RCBTB1: variants seen among roughly 807,000 people sequenced by gnomAD.
RCBTB1 encodes RCC1 and BTB domain-containing protein 1.
In RCBTB1, 46 loss-of-function variants were observed where a neutral mutation model predicts 62.4. The ratio of observed to expected loss-of-function variants is 0.74; its 90% CI spans 0.58 to 0.94. The LOEUF (loss-of-function observed/expected upper bound fraction) is 0.94, where lower values mean the gene tolerates loss of function less well. Ranked by LOEUF, RCBTB1 falls within the 40% of genes least tolerant of loss-of-function variation. RCBTB1 has a pLI of 0.00. For missense variants in RCBTB1, 565 were observed against 654.9 expected (o/e 0.86, Z 1.50); for synonymous variants, 222 against 245.8 (o/e 0.90, Z 0.91).
chr13:49,559,610 C>T (rs529096227), intron 5 of RCBTB1, among the ~76,000 whole-genome samples: 9 of 144,010 alleles, frequency 6.2e-5, no homozygotes, highest in Admixed American at 3.7e-4. Context: ...GAGCAGAGAT[C>T]GTGCCACTGT....
intron 2 of RCBTB1, among the ~76,000 whole-genome samples, chr13:49,575,075 T>C (rs182246499): frequency 2.0e-5 from 3 of 152,212 alleles, no homozygotes; most frequent in Admixed American, 6.5e-5. Context: ...GAGGTAGGAA[T>C]GGGGAGTTAC....
chr13:49,567,604 T>C (rs1191896911), intron 2 of RCBTB1, among the ~76,000 whole-genome samples: 3 of 152,166 alleles, frequency 2.0e-5, no homozygotes, highest in African/African-American at 7.2e-5. Context: ...ACTCACCCTC[T>C]TCTTAGACCT....
In RCBTB1 at chr13:49,532,081, T is replaced by C. The variant is rs779423093; in HGVS notation, c.*2041A>G. 5.2e-5 allele frequency: 8 copies of C among 152,758 alleles called. No individual in the cohort carries two copies. In the South Asian group the frequency reaches 8.3e-4, roughly 16 times the overall value. The allele number at this position is 152,758 out of a possible 1,614,324, so 9.5% of individuals were successfully genotyped here. ...TTAGGGCTATCTTAAGAAATATGAA[T>C]ACTTTGGCTTCCATTATTACATTAG... On this transcript the variant is annotated 3_prime_UTR_variant, in exon 13 of 13. Transcript: ENST00000378302.
In RCBTB1 at chr13:49,544,753, C is replaced by T; in HGVS notation, c.1156G>A (p.Ala386Thr). ...IDGKYIHVHK[A>T]VLKIRCEHFR... ...CAAAAATACCTGATTTTCAAAACAG[C>T]TTTATGGACATGAATATATTTTCCA... The change falls in exon 10 of 13, where the codon GCT (alanine) becomes ACT (threonine). Residue 386 changes from alanine (A) to threonine (T), a missense_variant. Ala to Thr is a moderately conservative substitution (Grantham distance 58). Transcript: ENST00000378302. The T allele has an allele frequency of 6.2e-7, 1 of 1,611,666 alleles. No homozygotes were observed. The highest frequency in any genetic ancestry group is 8.5e-7 in the Non-Finnish European group (1 of 1,178,986).
chr13:49,538,845 A>C (rs1023423736), intron 12 of RCBTB1, among the ~76,000 whole-genome samples: 1 of 151,094 alleles, frequency 6.6e-6, no homozygotes, highest in African/African-American at 2.4e-5. Flanking sequence ...TAATTTTTCT[A>C]CGTTGAATCT....
At chr13:49,555,962 G>C (rs933832051) in intron 5 of RCBTB1, among the ~76,000 whole-genome samples, 3 of 152,102 alleles carry the variant, frequency 2.0e-5, no homozygotes, top group Non-Finnish European at 4.4e-5. Flanking sequence ...GTAGCGCTAA[G>C]AGAATTTAAC....
chr13:49,575,574 C>T (rs940067089), intron 2 of RCBTB1, among the ~76,000 whole-genome samples: 2 of 152,060 alleles, frequency 1.3e-5, no homozygotes, highest in Admixed American at 6.6e-5. Flanking sequence ...ACTACATGGC[C>T]ATAAAGAAGA....
intron 9 of RCBTB1, chr13:49,546,388 C>T (rs1429748014): frequency 3.0e-6 from 3 of 983,610 alleles, no homozygotes; most frequent in Non-Finnish European, 3.6e-6. Flanking sequence ...TCTAGGACAG[C>T]AGTCCCCAAC....
chr13:49,549,460 A>C lies in RCBTB1; in HGVS notation c.1043T>G (p.Val348Gly). 1 of 1,607,744 alleles carries C rather than the reference A, an allele frequency of 6.2e-7. No individual in the cohort carries two copies. The highest frequency in any genetic ancestry group is 8.5e-7 in the Non-Finnish European group (1 of 1,175,442). ...GAGGTGGCCCTGCACTTTCTTACCC[A>C]CAGACAGGAGGCGCCACGAGACGGC... Reference protein sequence around the residue: ...TPAVSWRLLSVEHEDFLTVAE... With the variant: ...TPAVSWRLLSGEHEDFLTVAE... Residue 348 changes from valine (V) to glycine (G), a missense_variant and splice_region_variant, in exon 9 of 13, where the codon GTG becomes GGG. By Grantham distance (109) the Val-to-Gly change is moderately radical. Coordinates refer to ENST00000378302, the MANE Select transcript of RCBTB1 (RefSeq NM_018191.4).
At chr13:49,544,900 A>C (rs1566220409) in intron 9 of RCBTB1, 37 bp from the exon 10 acceptor site, 1 of 1,576,540 alleles carries the variant, frequency 6.3e-7, no homozygotes, top group Admixed American at 1.8e-5. Context: ...TGGCAAGTTC[A>C]AGGAACAGAT....
chr13:49,568,172 T>C (rs1348889252), intron 2 of RCBTB1, among the ~76,000 whole-genome samples: 5 of 152,342 alleles, frequency 3.3e-5, no homozygotes, highest in South Asian at 4.1e-4. Context: ...AAGTTTTTTT[T>C]CCCTACTTAA....
chr13:49,582,226 C>T (rs1314749343), intron 1 of RCBTB1, among the ~76,000 whole-genome samples: 2 of 152,218 alleles, frequency 1.3e-5, no homozygotes, highest in Non-Finnish European at 2.9e-5. Context: ...GTGGCTCATG[C>T]CTGTAATCCC....
In RCBTB1 at chr13:49,551,310, G is replaced by A. The variant is rs1286987831; in HGVS notation, c.854+16C>T. On this transcript the variant is annotated intron_variant, in intron 8 of 12. Transcript: ENST00000378302. Reference sequence around the variant, plus strand: ...CATCGCACACACAGTCCCAAGACGTGGCACAGCCAAGTTACCTTTCTTTCT... The same window carrying A: ...CATCGCACACACAGTCCCAAGACGTAGCACAGCCAAGTTACCTTTCTTTCT... 1.2e-6 allele frequency: 2 copies of A among 1,612,984 alleles called. No homozygotes were observed. The highest frequency in any genetic ancestry group is 1.7e-6 in the Non-Finnish European group (2 of 1,179,564).
chr13:49,541,476 A>G (rs565896932), intron 11 of RCBTB1, among the ~76,000 whole-genome samples, 200 bp downstream of exon 11: 1 of 152,326 alleles, frequency 6.6e-6, no homozygotes, highest in East Asian at 1.9e-4. Context: ...AGAACAAAAA[A>G]GCCTATGGTC....
At position 49,562,514 on chromosome 13, in the gene RCBTB1, CAAAA is replaced by C. The variant is rs55875979; in HGVS notation, c.278-2434_278-2431del. ...TAGCCTGGACAGAGAGACCCTGTCT[CAAAA>C]AAAAAAAAAAAAAAAAATTTGGAAG... is the stretch of plus-strand genomic sequence containing the variant. On this transcript the variant is annotated intron_variant, in intron 4 of 12. Transcript: ENST00000378302. Among the ~76,000 whole-genome samples the C allele has an allele frequency of 1.8e-3, 213 of 115,302 alleles. 7 individuals carry two copies. In the South Asian group the frequency reaches 0.037, roughly 20 times the overall value. The allele number at this position is 115,302 out of a possible 152,430, so 75.6% of individuals were successfully genotyped here.
chr13:49,585,127 T>C lies in RCBTB1; in HGVS notation c.-122+317A>G, dbSNP rs540792820. Among the ~76,000 whole-genome samples the C allele has an allele frequency of 3.3e-5, 5 of 152,330 alleles. No homozygotes were observed. In the South Asian group the frequency reaches 1.0e-3, roughly 32 times the overall value. On this transcript the variant is annotated intron_variant, in intron 1 of 12. Coordinates refer to ENST00000378302, the MANE Select transcript of RCBTB1 (RefSeq NM_018191.4). ...AAAACGGCACCCACAGCAGTCAGAC[T>C]TCAGCTACGAGCAAAATCGAGTCCG... is the stretch of plus-strand genomic sequence containing the variant.
chr13:49,551,455 T>A lies in RCBTB1; in HGVS notation c.725A>T (p.Tyr242Phe), dbSNP rs750414418. The change falls in exon 8 of 13, where the codon TAC becomes TTC. Residue 242 changes from tyrosine to phenylalanine, a missense_variant. By Grantham distance (22) the Tyr-to-Phe change is conservative. Transcript: ENST00000378302. ...SVCVNQIVCG[Y>F]AHTLALTDEG... ...ATCTGTTAGTGCTAGAGTATGTGCGTAACCGCAGACAATCTGCAAGTAAAT... is the reference window on the plus strand; with the variant it reads ...ATCTGTTAGTGCTAGAGTATGTGCGAAACCGCAGACAATCTGCAAGTAAAT... 3.7e-6 allele frequency: 6 copies of A among 1,613,930 alleles called. No individual in the cohort carries two copies. Among genetic ancestry groups the A allele is most frequent in the Admixed American group, 1.7e-5 (1 of 59,970 alleles).
chr13:49,538,888 CTTTT>C, intron 12 of RCBTB1, among the ~76,000 whole-genome samples: 1 of 78,940 alleles, frequency 1.3e-5, no homozygotes, highest in African/African-American at 3.3e-5. Flanking sequence ...TTTTTTTTAA[CTTTT>C]TTTTTTTTTT....
intron 2 of RCBTB1, among the ~76,000 whole-genome samples, chr13:49,574,572 G>C (rs1282753082): frequency 6.6e-6 from 1 of 152,048 alleles, no homozygotes; most frequent in East Asian, 1.9e-4. Flanking sequence ...ACGTAGAGTG[G>C]CAGAATGTTT....
Sources: gnomAD v4.1 joint callset for allele counts (sites outside exome capture counted in the v4.1 genomes callset) on GRCh38, gnomAD v4.1.1 for gene constraint, MANE v1.5 for transcripts, NCBI Gene and HGNC (gene_info 2026-07-23, HGNC 2026-07-21) for gene names.